BTBD9: variants seen among roughly 807,000 people sequenced by gnomAD.
BTBD9 encodes BTB/POZ domain-containing protein 9.
Under a neutral mutation model 64.3 loss-of-function variants are expected in BTBD9, and 49 were observed. The observed-to-expected ratio is 0.76, with a 90% CI of 0.61 to 0.97. The LOEUF is 0.97. BTBD9 is among the 50% of genes least tolerant of loss of function. The pLI is 0.00. For synonymous variants in BTBD9, 260 were observed against 274.7 expected, an observed-to-expected ratio of 0.95 and a Z score of 0.53; for missense variants, 598 against 762.1, an observed-to-expected ratio of 0.78 and a Z score of 2.53.
At chr6:38,352,634 G>A (rs549570678) in intron 6 of BTBD9, among the ~76,000 whole-genome samples, 5 of 152,180 alleles carry the variant, frequency 3.3e-5, no homozygotes, top group African/African-American at 1.2e-4. Flanking sequence ...GGCTCCACAT[G>A]TGTAGTAGTG....
At chr6:38,280,000 CACAA>C (rs1232561368) in intron 8 of BTBD9, among the ~76,000 whole-genome samples, 1 of 151,716 alleles carries the variant, frequency 6.6e-6, no homozygotes, top group Non-Finnish European at 1.5e-5. Context: ...CACATGAACA[CACAA>C]ACATATTTTT....
chr6:38,293,434 G>T (rs946507497), intron 7 of BTBD9, among the ~76,000 whole-genome samples: 1 of 152,124 alleles, frequency 6.6e-6, no homozygotes, highest in Non-Finnish European at 1.5e-5. Flanking sequence ...CAAAGCTACA[G>T]TAACCAAAAC....
In BTBD9 at chr6:38,171,880, A is replaced by AAAAAAAAAAAT. The variant is rs1766800472; in HGVS notation, c.*3104_*3105insATTTTTTTTTT. The stretch of plus-strand genomic sequence containing the variant: ...AAAAAAAAAAAAAAAAAAAAAAAAA[A>AAAAAAAAAAAT]AATAATAATAATAATAATAATAATA... On this transcript the variant is annotated 3_prime_UTR_variant, in exon 11 of 11. Coordinates refer to ENST00000481247, the MANE Select transcript of BTBD9 (RefSeq NM_001099272.2). The AAAAAAAAAAAT allele has an allele frequency of 2.2e-5, 2 of 89,558 alleles. No individual in the cohort carries two copies. The highest frequency in any genetic ancestry group is 4.0e-5 in the Non-Finnish European group (2 of 50,204). 5.5% of individuals were successfully genotyped at this position (89,558 alleles called of 1,614,324 possible). A position where few individuals can be genotyped will look rare whatever the true frequency, so the allele number is the denominator to read the frequency against.
At chr6:38,251,061 G>C (rs546607156) in intron 9 of BTBD9, among the ~76,000 whole-genome samples, 2 of 149,174 alleles carry the variant, frequency 1.3e-5, no homozygotes, top group South Asian at 4.3e-4. Flanking sequence ...TAGCCTGGGC[G>C]ACAGAGAGAG....
intron 7 of BTBD9, among the ~76,000 whole-genome samples, chr6:38,330,344 T>C (rs9369050): frequency 0.11 from 16,215 of 152,186 alleles, 1,928 homozygotes; most frequent in East Asian, 0.39. Context: ...TGAGCCACTG[T>C]GCCTGGTCAG....
intron 10 of BTBD9, chr6:38,179,661 G>C (rs1208300711): frequency 6.6e-6 from 3 of 456,670 alleles, no homozygotes; most frequent in South Asian, 3.1e-5. Context: ...TCTGCAAATG[G>C]CGAGTGGCAG....
chr6:38,340,541 G>C (rs1183825042), intron 7 of BTBD9, among the ~76,000 whole-genome samples: 7 of 152,138 alleles, frequency 4.6e-5, no homozygotes, highest in African/African-American at 1.4e-4. Context: ...AACTCAAAAT[G>C]TATGTACTTA....
rs772301758 is a variant in BTBD9 at position 38,594,246 on chromosome 6, T to G, written c.267A>C (p.Thr89=). The G allele has an allele frequency of 1.2e-6, 2 of 1,614,092 alleles. No homozygotes were observed. Among genetic ancestry groups the G allele is most frequent in the South Asian group, 2.2e-5 (2 of 91,078 alleles). ...PLQDTTAEAF[T]MLLKYIYTGR... Reference sequence around the variant, plus strand: ...CAGTGTAGATATATTTGAGTAGCATTGTGAATGCTTCTGCAGTGGTGTCTT... The same window carrying G: ...CAGTGTAGATATATTTGAGTAGCATGGTGAATGCTTCTGCAGTGGTGTCTT... The change falls in exon 3 of 11, where the codon ACA becomes ACC. Residue 89 remains threonine (T), a synonymous_variant. Coordinates refer to ENST00000481247, the MANE Select transcript of BTBD9 (RefSeq NM_001099272.2).
chr6:38,388,558 T>C (rs142137217), intron 6 of BTBD9, among the ~76,000 whole-genome samples: 87 of 152,334 alleles, frequency 5.7e-4, no homozygotes, highest in Admixed American at 1.5e-3. Context: ...TATATTAGAT[T>C]TTCCTATCTC....
chr6:38,324,141 A>T (rs1646518634), intron 7 of BTBD9, among the ~76,000 whole-genome samples: 1 of 152,228 alleles, frequency 6.6e-6, no homozygotes, highest in South Asian at 2.1e-4. Context: ...ACTTAGTTCA[A>T]AAAACGGATA....
chr6:38,348,450 AAC>A (rs765907976), intron 6 of BTBD9, among the ~76,000 whole-genome samples: 13 of 152,200 alleles, frequency 8.5e-5, no homozygotes, highest in Non-Finnish European at 1.8e-4. Context: ...TGAAAAATAG[AAC>A]AGATATCCTT....
At chr6:38,409,302 ATTAAC>A (rs1243665722) in intron 6 of BTBD9, among the ~76,000 whole-genome samples, 2 of 152,218 alleles carry the variant, frequency 1.3e-5, no homozygotes, top group South Asian at 2.1e-4. Flanking sequence ...CATAATGTGA[ATTAAC>A]TTAATTCCTT....
chr6:38,381,002 G>T (rs1765909643), intron 6 of BTBD9, among the ~76,000 whole-genome samples: 1 of 151,606 alleles, frequency 6.6e-6, no homozygotes, highest in South Asian at 2.1e-4. Flanking sequence ...TAGTAAGAGG[G>T]GGTCAGAAAC....
chr6:38,399,986 T>C (rs1265233446), intron 6 of BTBD9, among the ~76,000 whole-genome samples: 6 of 151,716 alleles, frequency 4.0e-5, no homozygotes, highest in African/African-American at 1.5e-4. Context: ...GGTCTTGAAC[T>C]CCTGACCTCA....
intron 9 of BTBD9, among the ~76,000 whole-genome samples, chr6:38,253,193 A>G (rs970211646): frequency 2.0e-5 from 3 of 152,212 alleles, no homozygotes; most frequent in Non-Finnish European, 2.9e-5. Context: ...TCATACTAGT[A>G]TAAAGAAATA....
intron 7 of BTBD9, among the ~76,000 whole-genome samples, chr6:38,343,202 A>G (rs983044809): frequency 3.3e-5 from 5 of 152,220 alleles, no homozygotes; most frequent in Non-Finnish European, 5.9e-5. Flanking sequence ...CATCACCAAC[A>G]TATCTGAGAC....
At chr6:38,219,947 A>C (rs1302991484) in intron 9 of BTBD9, among the ~76,000 whole-genome samples, 1 of 152,244 alleles carries the variant, frequency 6.6e-6, no homozygotes, top group Non-Finnish European at 1.5e-5. Context: ...ATGTTATTTA[A>C]TATGGTAATA....
chr6:38,481,615 C>T (rs1053035230), intron 6 of BTBD9: 1 of 152,336 alleles, frequency 6.6e-6, no homozygotes, highest in Admixed American at 6.5e-5. Flanking sequence ...ACACTACCCC[C>T]TCTCCCCTAA....
chr6:38,455,374 TG>T (rs1299065983), intron 6 of BTBD9, among the ~76,000 whole-genome samples: 1 of 152,172 alleles, frequency 6.6e-6, no homozygotes, highest in Non-Finnish European at 1.5e-5. Context: ...CTTGCTTTGT[TG>T]CCCAAGCTGG....
Sources: allele counts gnomAD v4.1 joint callset (sites outside exome capture counted in the v4.1 genomes callset), GRCh38; gene constraint gnomAD v4.1.1; transcripts MANE v1.5; gene names NCBI Gene and HGNC (gene_info 2026-07-23, HGNC 2026-07-21).